Variants in CUTC observed in about 807,000 individuals in gnomAD.
CUTC encodes cutC copper transporter.
CUTC carries 27 observed loss-of-function variants against 36.2 expected under a neutral mutation model. That is an observed-to-expected ratio of 0.75 (90% CI 0.55 to 1.03). The LOEUF (loss-of-function observed/expected upper bound fraction) is 1.03. Ranked by LOEUF, CUTC falls within the 50% of genes least tolerant of loss-of-function variation. The pLI, the probability that CUTC is intolerant of heterozygous loss-of-function variation, is 0.00. For synonymous variants in CUTC, 114 were observed against 118.3 expected, an observed-to-expected ratio of 0.96 and a Z score of 0.24; for missense variants, 315 against 343.5, an observed-to-expected ratio of 0.92 and a Z score of 0.66.
chr10:99,741,424 G>A (rs914103994), intron 3 of CUTC, among the ~76,000 whole-genome samples: 3 of 152,122 alleles, frequency 2.0e-5, no homozygotes, highest in Non-Finnish European at 4.4e-5. Context: ...TAGTTTCTTT[G>A]CATGCATGCA....
intron 6 of CUTC, 167 bp downstream of exon 6, chr10:99,747,557 T>C (rs1407013067): frequency 4.3e-6 from 3 of 696,572 alleles, no homozygotes; most frequent in Non-Finnish European, 6.9e-6. Flanking sequence ...CACACAAGCC[T>C]TTTTAATAAC....
chr10:99,744,116 T>C (rs767126641), intron 5 of CUTC, 44 bp downstream of exon 5: 2 of 1,525,824 alleles, frequency 1.3e-6, no homozygotes, highest in Non-Finnish European at 1.8e-6. Flanking sequence ...CAGTGTTAGT[T>C]TTCTAATTTC....
At chr10:99,751,841 C>T (rs2037421351) in intron 7 of CUTC, among the ~76,000 whole-genome samples, 1 of 152,030 alleles carries the variant, frequency 6.6e-6, no homozygotes, top group African/African-American at 2.4e-5. Flanking sequence ...CTGGGTGACA[C>T]AGCAAGACTC....
chr10:99,735,121 AAAAAAC>A (rs1348807319), intron 1 of CUTC, among the ~76,000 whole-genome samples: 6 of 151,292 alleles, frequency 4.0e-5, no homozygotes, highest in Non-Finnish European at 7.4e-5. Flanking sequence ...AAAAAAAAAA[AAAAAAC>A]AAACTTAGGA....
chr10:99,735,051 G>C (rs537517761), intron 1 of CUTC, among the ~76,000 whole-genome samples: 8 of 133,134 alleles, frequency 6.0e-5, no homozygotes, highest in East Asian at 2.5e-4. Context: ...GCAGTGAGCC[G>C]AGATCATGCC....
intron 1 of CUTC, among the ~76,000 whole-genome samples, chr10:99,735,150 G>T (rs1220319025): frequency 2.8e-5 from 4 of 144,828 alleles, no homozygotes; most frequent in Non-Finnish European, 4.5e-5. Flanking sequence ...TCTAAGTCAA[G>T]TAGAAGTGAT....
chr10:99,755,503 A>C, intron 8 of CUTC, 122 bp from the exon 9 acceptor site: 1 of 631,466 alleles, frequency 1.6e-6, no homozygotes, highest in Non-Finnish European at 2.8e-6. Flanking sequence ...AAAATTATGG[A>C]ATATACTAGT....
intron 7 of CUTC, among the ~76,000 whole-genome samples, chr10:99,753,478 C>T (rs1226297504): frequency 6.6e-6 from 1 of 152,170 alleles, no homozygotes; most frequent in Non-Finnish European, 1.5e-5. Flanking sequence ...GGTGCAGTCT[C>T]AGCTTACTGC....
intron 1 of CUTC, among the ~76,000 whole-genome samples, chr10:99,735,718 T>C (rs931671274): frequency 5.9e-5 from 9 of 152,202 alleles, no homozygotes; most frequent in African/African-American, 2.2e-4. Context: ...AGATAACTAA[T>C]ACTTTTTGAT....
Position 99,732,288 on chromosome 10 carries a change from C to G in CUTC, c.-61C>G, listed in dbSNP as rs1263347500. ...CTGTTGACGCGCTTCTTAGCTGGTG[C>G]GCGCCGGAGCCCAAATTCCAAGTGG... On this transcript the variant is annotated 5_prime_UTR_variant, in exon 1 of 9. Coordinates refer to ENST00000370476, the MANE Select transcript of CUTC (RefSeq NM_015960.3). The G allele has an allele frequency of 2.6e-6, 4 of 1,547,198 alleles. No homozygotes were observed. The highest frequency in any genetic ancestry group is 3.5e-6 in the Non-Finnish European group (4 of 1,145,308).
intron 5 of CUTC, among the ~76,000 whole-genome samples, chr10:99,744,348 T>C (rs534111526): frequency 4.1e-4 from 62 of 152,208 alleles, no homozygotes; most frequent in Non-Finnish European, 7.6e-4. Flanking sequence ...TGTGTGTACC[T>C]ATCATAGCAT....
At chr10:99,744,214 A>C in intron 5 of CUTC, 142 bp downstream of exon 5, 1 of 643,574 alleles carries the variant, frequency 1.6e-6, no homozygotes, top group South Asian at 2.1e-5. Flanking sequence ...ACTAAAAGTT[A>C]TAAAAGTAGA....
At chr10:99,741,113 A>G (rs2037337856) in intron 3 of CUTC, among the ~76,000 whole-genome samples, 1 of 152,224 alleles carries the variant, frequency 6.6e-6, no homozygotes, top group African/African-American at 2.4e-5. Context: ...TGGATGCAAG[A>G]CATTGTGAAT....
At chr10:99,744,704 A>C (rs2037365645) in intron 5 of CUTC, among the ~76,000 whole-genome samples, 1 of 152,228 alleles carries the variant, frequency 6.6e-6, no homozygotes. Flanking sequence ...TTTTAATGTG[A>C]TACTTTCTTG....
intron 1 of CUTC, among the ~76,000 whole-genome samples, chr10:99,735,101 C>CAAAAAA (rs56971127): frequency 2.0e-4 from 14 of 68,790 alleles, no homozygotes; most frequent in East Asian, 4.8e-4. Flanking sequence ...GACTCTGTAT[C>CAAAAAA]AAAAAAAAAA....
In CUTC at chr10:99,754,537, A is replaced by G; in HGVS notation, c.610A>G (p.Ile204Val). The change falls in exon 8 of 9, where the codon ATA becomes GTA. Residue 204 changes from isoleucine (I) to valine (V), a missense_variant. Ile to Val is a conservative substitution (Grantham distance 29). Transcript: ENST00000370476. ...CTTATTCTTTGCAACAGGAGGTGGT[A>G]TAACAGACAGAAATCTACAAAGGAT... is the stretch of plus-strand genomic sequence containing the variant. Reference protein sequence around the residue: ...GRIVVMPGGGITDRNLQRILE... With the variant: ...GRIVVMPGGGVTDRNLQRILE... The G allele has an allele frequency of 6.2e-7, 1 of 1,609,754 alleles. No individual in the cohort carries two copies. Among genetic ancestry groups the G allele is most frequent in the East Asian group, 2.2e-5 (1 of 44,810 alleles).
chr10:99,739,430 A>G lies in CUTC; in HGVS notation c.134-280A>G, dbSNP rs1344136769. Among the ~76,000 whole-genome samples, 7 of 152,200 alleles carry G rather than the reference A, an allele frequency of 4.6e-5. No homozygotes were observed. The South Asian group carries it at 6.2e-4, about 13-fold the overall frequency. ...CAGTTTTAAGAAACATCTTTATTCT[A>G]TGTTACTTTCCTGTACATAGAGAGG... On this transcript the variant is annotated intron_variant, in intron 2 of 8. Transcript: ENST00000370476.
chr10:99,747,980 GA>G (rs2037391147), intron 6 of CUTC, among the ~76,000 whole-genome samples: 1 of 152,106 alleles, frequency 6.6e-6, no homozygotes, highest in Non-Finnish European at 1.5e-5. Context: ...TCTATTTTAT[GA>G]GTTTTCCTGG....
intron 1 of CUTC, among the ~76,000 whole-genome samples, chr10:99,733,029 AT>A (rs1208199425): frequency 2.0e-5 from 3 of 152,178 alleles, no homozygotes; most frequent in Non-Finnish European, 2.9e-5. Context: ...ACATCTATCT[AT>A]TTTGACTGTA....
Sources: allele counts gnomAD v4.1 joint callset (sites outside exome capture counted in the v4.1 genomes callset), GRCh38; gene constraint gnomAD v4.1.1; transcripts MANE v1.5; gene names NCBI Gene and HGNC (gene_info 2026-07-23, HGNC 2026-07-21).